TRAF6: variants seen among roughly 807,000 people sequenced by gnomAD.
TRAF6 encodes the protein TNF receptor-associated factor 6.
Under a neutral mutation model 48.4 loss-of-function variants are expected in TRAF6, and 10 were observed. That is an observed-to-expected ratio of 0.21 (90% CI 0.13 to 0.35). TRAF6 has a LOEUF of 0.35. Ranked by LOEUF, TRAF6 falls within the 10% of genes least tolerant of loss-of-function variation. The pLI, the probability that TRAF6 is intolerant of heterozygous loss-of-function variation, is 1.00. For missense variants in TRAF6, 397 were observed against 661.0 expected (o/e 0.60, Z 4.38); for synonymous variants, 186 against 219.6 (o/e 0.85, Z 1.35).
intron 1 of TRAF6, among the ~76,000 whole-genome samples, chr11:36,503,728 TCACTA>T (rs1437557710): frequency 6.6e-6 from 1 of 152,206 alleles, no homozygotes; most frequent in Non-Finnish European, 1.5e-5. Context: ...GCAGAACTAG[TCACTA>T]CAGCTGGGTC....
At position 36,489,664 on chromosome 11, in the gene TRAF6, A is replaced by G. The variant is rs1590633294; in HGVS notation, c.*174T>C. The G allele has an allele frequency of 2.7e-6, 2 of 753,630 alleles. No homozygotes were observed. Among genetic ancestry groups the G allele is most frequent in the East Asian group, 5.2e-5 (2 of 38,450 alleles). 46.7% of individuals were successfully genotyped at this position (753,630 alleles called of 1,614,324 possible). ...CATGGAACGTGTGGATTCCCAGGAAAAAACTGCCTCAGATCATTTGTAACA... is the reference window on the plus strand; with the variant it reads ...CATGGAACGTGTGGATTCCCAGGAAGAAACTGCCTCAGATCATTTGTAACA... On this transcript the variant is annotated 3_prime_UTR_variant, in exon 7 of 7. Coordinates refer to ENST00000526995, the MANE Select transcript of TRAF6 (RefSeq NM_004620.4).
At chr11:36,499,643 G>T (rs1227239633) in intron 2 of TRAF6, among the ~76,000 whole-genome samples, 1 of 152,136 alleles carries the variant, frequency 6.6e-6, no homozygotes, top group Non-Finnish European at 1.5e-5. Flanking sequence ...ACCCAAAATA[G>T]ATCTTGTTAA....
Position 36,489,749 on chromosome 11 carries a change from G to A in TRAF6, c.*89C>T, listed in dbSNP as rs964953244. 20 of 1,322,372 alleles carry A rather than the reference G, an allele frequency of 1.5e-5. No individual in the cohort carries two copies. The highest frequency in any genetic ancestry group is 5.9e-5 in the African/African-American group (4 of 67,886). The allele number at this position is 1,322,372 out of a possible 1,614,324, so 81.9% of individuals were successfully genotyped here. On this transcript the variant is annotated 3_prime_UTR_variant, in exon 7 of 7. Transcript: ENST00000526995. ...CACTAGTAGATATTACATATTTCCC[G>A]TGGCTTGTTTGTTTGCATGTTATTG... is the stretch of plus-strand genomic sequence containing the variant.
At chr11:36,504,436 ACTC>A (rs1430776281) in intron 1 of TRAF6, among the ~76,000 whole-genome samples, 1 of 151,746 alleles carries the variant, frequency 6.6e-6, no homozygotes, top group Admixed American at 6.6e-5. Context: ...ATAAGAAGCA[ACTC>A]CTCATCTGTT....
At chr11:36,500,028 G>C (rs1859694768) in intron 2 of TRAF6, among the ~76,000 whole-genome samples, 1 of 152,182 alleles carries the variant, frequency 6.6e-6, no homozygotes, top group Non-Finnish European at 1.5e-5. Flanking sequence ...AAGCAACCAT[G>C]ATTTACTGAT....
intron 1 of TRAF6, among the ~76,000 whole-genome samples, chr11:36,502,922 G>C (rs753195124): frequency 2.2e-4 from 34 of 152,318 alleles, no homozygotes; most frequent in Non-Finnish European, 3.7e-4. Context: ...AACAGTGCCA[G>C]GCAGTAAGAA....
chr11:36,499,221 A>C (rs1719511310), intron 2 of TRAF6, among the ~76,000 whole-genome samples: 1 of 151,538 alleles, frequency 6.6e-6, no homozygotes, highest in African/African-American at 2.4e-5. Context: ...AAGTTAAAGG[A>C]CCTCTATGTC....
At chr11:36,507,838 G>GTA (rs1433313039) in intron 1 of TRAF6, among the ~76,000 whole-genome samples, 5 of 144,246 alleles carry the variant, frequency 3.5e-5, no homozygotes, top group African/African-American at 5.1e-5. Flanking sequence ...TTATATATGT[G>GTA]TATATATATA....
intron 1 of TRAF6, among the ~76,000 whole-genome samples, chr11:36,503,285 G>GTT (rs2133677008): frequency 6.6e-6 from 1 of 150,666 alleles, no homozygotes; most frequent in Non-Finnish European, 1.5e-5. Context: ...TTGGCATGTG[G>GTT]TTTACTTAAG....
At chr11:36,504,343 A>G (rs1311344033) in intron 1 of TRAF6, among the ~76,000 whole-genome samples, 1 of 152,056 alleles carries the variant, frequency 6.6e-6, no homozygotes, top group East Asian at 1.9e-4. Flanking sequence ...AATATTCTAA[A>G]TCCTTTGTTG....
At position 36,501,428 on chromosome 11, in the gene TRAF6, C is replaced by T. The variant is rs1418393714; in HGVS notation, c.88G>A (p.Val30Ile). 5 of 1,614,054 alleles carry T rather than the reference C, an allele frequency of 3.1e-6. No individual in the cohort carries two copies. Among genetic ancestry groups the T allele is most frequent in the Non-Finnish European group, 4.2e-6 (5 of 1,180,044 alleles). Reference sequence around the variant, plus strand: ...CCACCCACACTATCATCTTTTGTTACAGCGCTACAGGAGCTGGCCATGGCC... The same window carrying T: ...CCACCCACACTATCATCTTTTGTTATAGCGCTACAGGAGCTGGCCATGGCC... ...CVAMASSCSAVTKDDSVGGTA... is the reference protein window; with the variant it reads ...CVAMASSCSAITKDDSVGGTA... Residue 30 changes from valine to isoleucine, a missense_variant, in exon 2 of 7, where the codon GTA (valine) becomes ATA (isoleucine). By Grantham distance (29) the Val-to-Ile change is conservative. Coordinates refer to ENST00000526995, the MANE Select transcript of TRAF6 (RefSeq NM_004620.4).
In TRAF6 at chr11:36,484,651, G is replaced by C. The variant is rs991090606; in HGVS notation, c.*5187C>G. On this transcript the variant is annotated 3_prime_UTR_variant, in exon 7 of 7. Coordinates refer to ENST00000526995, the MANE Select transcript of TRAF6 (RefSeq NM_004620.4). ...CGAAGACAAAACTGATTGACCCATGGTCAGTCAGGAGAAAATGTGTCTTAG... is the reference window on the plus strand; with the variant it reads ...CGAAGACAAAACTGATTGACCCATGCTCAGTCAGGAGAAAATGTGTCTTAG... Among the ~76,000 whole-genome samples, 2 of 152,120 alleles carry C rather than the reference G, an allele frequency of 1.3e-5. No individual in the cohort carries two copies. The highest frequency in any genetic ancestry group is 4.8e-5 in the African/African-American group (2 of 41,414).
rs776585338 is a variant in TRAF6 at position 36,501,240 on chromosome 11, G to A, written c.276C>T (p.Ala92=). Residue 92 remains alanine (A), a synonymous_variant, in exon 2 of 7, where the codon GCC becomes GCT. Transcript: ENST00000526995. ...QTPCGHRFCK[A]CIIKSIRDAG... is the part of the protein sequence containing the mutation. ...CGTACCTTATTGATTTTATGATGCA[G>A]GCTTTGCAGAACCTATGGCCGCATG... 2.9e-5 allele frequency: 47 copies of A among 1,605,810 alleles called. No individual in the cohort carries two copies. The highest frequency in any genetic ancestry group is 4.0e-5 in the Non-Finnish European group (47 of 1,175,830).
chr11:36,490,432 C>A lies in TRAF6; in HGVS notation c.975G>T (p.Met325Ile), dbSNP rs145275891. The A allele has an allele frequency of 1.5e-5, 24 of 1,613,818 alleles. No homozygotes were observed. The Admixed American group carries it at 4.0e-4, about 27-fold the overall frequency. ...ELTAKMETQS[M>I]YVSELKRTIR... ...TGGTTCGTTTGAGCTCACTTACATA[C>A]ATACTCTGAGTTTCCATTTTAGCAG... Residue 325 changes from methionine (M) to isoleucine (I), a missense_variant, in exon 7 of 7, where the codon ATG (methionine) becomes ATT (isoleucine). Coordinates refer to ENST00000526995, the MANE Select transcript of TRAF6 (RefSeq NM_004620.4). The surrounding 1 kb of genome is among the most constrained non-coding windows in gnomAD (Gnocchi z 6.4).
chr11:36,490,483 T>C lies in TRAF6; in HGVS notation c.924A>G (p.Arg308=). ...TIHQLEGRLV[R]QDHQIRELTA... is the part of the protein sequence containing the mutation. ...TCAGCTCCCGGATTTGATGGTCTTG[T>C]CTTACAAGGCGACCCTCTAACTGGT... is the stretch of plus-strand genomic sequence containing the variant. The change falls in exon 7 of 7, where the codon AGA becomes AGG. Residue 308 remains arginine, a synonymous_variant. Transcript: ENST00000526995. The surrounding 1 kb of genome is among the most constrained non-coding windows in gnomAD (Gnocchi z 6.4). The C allele has an allele frequency of 1.2e-6, 2 of 1,613,664 alleles. No individual in the cohort carries two copies. The highest frequency in any genetic ancestry group is 8.5e-7 in the Non-Finnish European group (1 of 1,180,048).
intron 2 of TRAF6, among the ~76,000 whole-genome samples, chr11:36,500,701 G>C (rs887855887): frequency 1.3e-5 from 2 of 152,082 alleles, no homozygotes; most frequent in Non-Finnish European, 2.9e-5. Flanking sequence ...GAAGTGAGAA[G>C]GGACTGGATT....
rs1457071958 is a variant in TRAF6 at position 36,485,991 on chromosome 11, T to C, written c.*3847A>G. On this transcript the variant is annotated 3_prime_UTR_variant, in exon 7 of 7. Transcript: ENST00000526995. The stretch of plus-strand genomic sequence containing the variant: ...GCTCCTTTTCATTTCCTTAAGGCAT[T>C]GCACTGTTTAGGTTGTAAGCAACTA... Among the ~76,000 whole-genome samples, 6 of 152,144 alleles carry C rather than the reference T, an allele frequency of 3.9e-5. No homozygotes were observed. The highest frequency in any genetic ancestry group is 1.4e-4 in the African/African-American group (6 of 41,402).
chr11:36,489,522 GAC>G lies in TRAF6; in HGVS notation c.*314_*315del. The G allele has an allele frequency of 3.4e-6, 1 of 294,352 alleles. No homozygotes were observed. The highest frequency in any genetic ancestry group is 6.3e-6 in the Non-Finnish European group (1 of 158,974). The allele number at this position is 294,352 out of a possible 1,614,324, so 18.2% of individuals were successfully genotyped here. On this transcript the variant is annotated 3_prime_UTR_variant, in exon 7 of 7. Transcript: ENST00000526995. ...TAGTACTCTTGAGTCTGGACTTTCT[GAC>G]AATAAAATACACCAGAGCAAAAGCC... is the stretch of plus-strand genomic sequence containing the variant.
intron 1 of TRAF6, among the ~76,000 whole-genome samples, chr11:36,506,662 T>C (rs1564970089): frequency 1.3e-5 from 2 of 152,202 alleles, no homozygotes; most frequent in African/African-American, 4.8e-5. Flanking sequence ...ATAGCTAATG[T>C]GTTCCTAAGA....
Sources: allele counts gnomAD v4.1 joint callset (sites outside exome capture counted in the v4.1 genomes callset), GRCh38; gene constraint gnomAD v4.1.1; non-coding constraint Gnocchi (gnomAD v3.1); transcripts MANE v1.5; gene names NCBI Gene and HGNC (gene_info 2026-07-23, HGNC 2026-07-21).